EEF1AKMT1: variants seen among roughly 807,000 people sequenced by gnomAD.
EEF1AKMT1 encodes N-6 adenine-specific DNA methyltransferase 2 (putative).
In EEF1AKMT1, 18 loss-of-function variants were observed where a neutral mutation model predicts 21.0. That is an observed-to-expected ratio of 0.86 (90% confidence interval 0.59 to 1.27). EEF1AKMT1 has a LOEUF of 1.27. Ranked by LOEUF, EEF1AKMT1 falls within the 50% of genes most tolerant of loss-of-function variation. The pLI, the probability that EEF1AKMT1 is intolerant of heterozygous loss-of-function variation, is 0.00. For missense variants in EEF1AKMT1, 246 were observed against 258.6 expected (o/e 0.95, Z 0.33); for synonymous variants, 109 against 94.8 (o/e 1.15, Z -0.87).
intron 1 of EEF1AKMT1, among the ~76,000 whole-genome samples, chr13:20,768,656 A>G (rs975087281): frequency 6.6e-5 from 10 of 152,058 alleles, no homozygotes; most frequent in Admixed American, 3.3e-4. Context: ...TCTTCTTCCA[A>G]TGTGGCCCAG....
chr13:20,731,235 C>T (rs1418359493), intron 4 of EEF1AKMT1, among the ~76,000 whole-genome samples: 5 of 152,238 alleles, frequency 3.3e-5, no homozygotes, highest in African/African-American at 4.8e-5. Flanking sequence ...TGGTCTAGAA[C>T]TCCTTGCCTC....
At position 20,732,120 on chromosome 13, in the gene EEF1AKMT1, T is replaced by G; in HGVS notation, c.229A>C (p.Ile77Leu). The stretch of plus-strand genomic sequence containing the variant: ...ACACTAGGGGCACTCACACATGCGA[T>G]TCTAGGAGACAAAATGAACACACCA... ...AIAAVGEGGR[I>L]ACVSAPSVYQ... The change falls in exon 4 of 5, where the codon ATC (isoleucine) becomes CTC (leucine). Residue 77 changes from isoleucine (I) to leucine (L), a missense_variant and splice_region_variant. Ile to Leu is a conservative substitution (Grantham distance 5). Coordinates refer to ENST00000382758, the MANE Select transcript of EEF1AKMT1 (RefSeq NM_001318939.2). 6.2e-7 allele frequency: 1 copy of G among 1,605,374 alleles called. No homozygotes were observed. The highest frequency in any genetic ancestry group is 8.5e-7 in the Non-Finnish European group (1 of 1,176,078).
At chr13:20,749,273 T>C (rs1244951201) in intron 2 of EEF1AKMT1, among the ~76,000 whole-genome samples, 1 of 152,196 alleles carries the variant, frequency 6.6e-6, no homozygotes, top group Non-Finnish European at 1.5e-5. Flanking sequence ...ATCACTTTTG[T>C]ATTTCCCCTG....
chr13:20,751,852 C>T (rs539648458), intron 2 of EEF1AKMT1, among the ~76,000 whole-genome samples: 78 of 152,220 alleles, frequency 5.1e-4, no homozygotes, highest in African/African-American at 1.7e-3. Context: ...TCCTTGTAGA[C>T]ACCTTTCACC....
At chr13:20,765,914 A>G (rs73435291) in intron 1 of EEF1AKMT1, among the ~76,000 whole-genome samples, 2,688 of 152,224 alleles carry the variant, frequency 0.018, 94 homozygotes, top group African/African-American at 0.06. Context: ...AATTATAATC[A>G]TAATGAGATA....
rs78174035 is a variant in EEF1AKMT1 at position 20,761,108 on chromosome 13, G to A, written c.-19-3491C>T. ...CAGTTTTACACACATTTATTTGCAG[G>A]CGTATGCACATGTGTATAGTTTTAT... On this transcript the variant is annotated intron_variant, in intron 1 of 4. Transcript: ENST00000382758. Among the ~76,000 whole-genome samples the A allele has an allele frequency of 6.3e-3, 961 of 152,254 alleles. 52 individuals are homozygous for A. In the East Asian group the frequency reaches 0.13, roughly 21 times the overall value.
At chr13:20,738,133 T>G (rs980452518) in intron 2 of EEF1AKMT1, among the ~76,000 whole-genome samples, 2 of 152,102 alleles carry the variant, frequency 1.3e-5, no homozygotes, top group African/African-American at 4.8e-5. Flanking sequence ...AAAAATAAAA[T>G]AGACCTTGAA....
chr13:20,761,316 TA>T (rs1208636555), intron 1 of EEF1AKMT1, among the ~76,000 whole-genome samples: 6 of 152,218 alleles, frequency 3.9e-5, no homozygotes, highest in Non-Finnish European at 8.8e-5. Context: ...TCACTTTAGA[TA>T]AATGGAATCA....
intron 2 of EEF1AKMT1, among the ~76,000 whole-genome samples, chr13:20,744,975 G>A (rs1247291400): frequency 1.3e-5 from 2 of 152,102 alleles, no homozygotes; most frequent in Non-Finnish European, 2.9e-5. Flanking sequence ...TGTCAGGTTT[G>A]TCAAAGATCA....
At chr13:20,749,932 T>C (rs1227764528) in intron 2 of EEF1AKMT1, among the ~76,000 whole-genome samples, 3 of 152,234 alleles carry the variant, frequency 2.0e-5, no homozygotes, top group Non-Finnish European at 4.4e-5. Context: ...CATAATCATG[T>C]ATCTTAATGA....
At chr13:20,742,645 C>T (rs2141419965) in intron 2 of EEF1AKMT1, among the ~76,000 whole-genome samples, 1 of 152,306 alleles carries the variant, frequency 6.6e-6, no homozygotes, top group African/African-American at 2.4e-5. Flanking sequence ...TTCCTCCCAC[C>T]TCCTACATAA....
chr13:20,734,332 T>C (rs564458128), intron 3 of EEF1AKMT1, among the ~76,000 whole-genome samples: 1 of 152,218 alleles, frequency 6.6e-6, no homozygotes, highest in East Asian at 1.9e-4. Flanking sequence ...ATGGTGGTGG[T>C]TACCAGGCAG....
chr13:20,748,717 T>G (rs1313543063), intron 2 of EEF1AKMT1, among the ~76,000 whole-genome samples: 1 of 89,002 alleles, frequency 1.1e-5, no homozygotes, highest in Non-Finnish European at 2.4e-5. Flanking sequence ...GTATAGTTGT[T>G]TTTTTTTGGT....
chr13:20,748,056 A>G, intron 2 of EEF1AKMT1: 1 of 191,576 alleles, frequency 5.2e-6, no homozygotes, highest in South Asian at 1.2e-4. Context: ...TTGGGCAGTC[A>G]TCATGATGTT....
intron 1 of EEF1AKMT1, among the ~76,000 whole-genome samples, chr13:20,766,462 A>C (rs2059033532): frequency 6.6e-6 from 1 of 152,168 alleles, no homozygotes; most frequent in Non-Finnish European, 1.5e-5. Flanking sequence ...ACATTTTATG[A>C]ATCTATTTCT....
intron 2 of EEF1AKMT1, 148 bp downstream of exon 2, chr13:20,757,305 TTC>T (rs1209476241): frequency 1.2e-6 from 1 of 806,466 alleles, no homozygotes. Context: ...ACTGACTGCT[TTC>T]TGTCTTAGCT....
chr13:20,757,337 T>C, intron 2 of EEF1AKMT1, 118 bp downstream of exon 2: 1 of 1,223,192 alleles, frequency 8.2e-7, no homozygotes, highest in South Asian at 1.5e-5. Flanking sequence ...GAAGTTCAGA[T>C]CCCAAATGAC....
At chr13:20,759,401 A>C (rs1050889258) in intron 1 of EEF1AKMT1, among the ~76,000 whole-genome samples, 1 of 152,056 alleles carries the variant, frequency 6.6e-6, no homozygotes, top group Non-Finnish European at 1.5e-5. Context: ...AACACAGTGA[A>C]ACCCCGTCTC....
chr13:20,733,881 C>T (rs1055635495), intron 3 of EEF1AKMT1, among the ~76,000 whole-genome samples: 1 of 152,230 alleles, frequency 6.6e-6, no homozygotes, highest in African/African-American at 2.4e-5. Flanking sequence ...GCATTTCCAA[C>T]AGAGACAGTG....
Sources: gnomAD v4.1 joint callset for allele counts (sites outside exome capture counted in the v4.1 genomes callset) on GRCh38, gnomAD v4.1.1 for gene constraint, MANE v1.5 for transcripts, NCBI Gene and HGNC (gene_info 2026-07-23, HGNC 2026-07-21) for gene names.